The following CROCC variants were observed in gnomAD, a reference collection of about 807,000 sequenced individuals.
CROCC encodes rootletin.
A neutral mutation model predicts 245.2 loss-of-function variants in CROCC; 180 were observed. That is an observed-to-expected ratio of 0.73 (90% CI 0.65 to 0.83). The LOEUF (loss-of-function observed/expected upper bound fraction) is 0.83, where lower values mean the gene tolerates loss of function less well. Among genes scored for constraint, CROCC ranks in the 40% least tolerant of loss-of-function variants. The pLI, the probability that CROCC is intolerant of heterozygous loss-of-function variation, is 0.00. For synonymous variants in CROCC, 1,205 were observed against 1,241.6 expected, an observed-to-expected ratio of 0.97 and a Z score of 0.62; for missense variants, 2,688 against 2,779.4, an observed-to-expected ratio of 0.97 and a Z score of 0.74.
intron 8 of CROCC, among the ~76,000 whole-genome samples, chr1:16,934,786 CTTTTTCTTTTTATATATACAGAT>C (rs2075751189): frequency 6.6e-6 from 1 of 151,444 alleles, no homozygotes; most frequent in South Asian, 2.1e-4. Flanking sequence ...TTATCAGCTT[CTTTTTCTTTTTATATATACAGAT>C]TTTTTCTTTT....
intron 3 of CROCC, among the ~76,000 whole-genome samples, chr1:16,927,373 G>T (rs576729491): frequency 2.1e-4 from 32 of 152,224 alleles, no homozygotes; most frequent in Non-Finnish European, 2.2e-4. Context: ...CCACCAATCG[G>T]CCCACAAAGG....
chr1:16,916,254 T>C (rs1210766377), intron 1 of CROCC, among the ~76,000 whole-genome samples: 1 of 152,016 alleles, frequency 6.6e-6, no homozygotes, highest in Non-Finnish European at 1.5e-5. Flanking sequence ...CCAGATCTGG[T>C]GGGCCCTGTG....
chr1:16,927,535 T>C (rs1353337603), intron 3 of CROCC, among the ~76,000 whole-genome samples: 6 of 152,214 alleles, frequency 3.9e-5, no homozygotes, highest in Non-Finnish European at 8.8e-5. Context: ...CGCCACAACA[T>C]AGACCTTCAG....
At chr1:16,940,676 C>T (rs1319099516) in intron 13 of CROCC, 24 of 234,918 alleles carry the variant, frequency 1.0e-4, no homozygotes, top group Admixed American at 3.4e-4. Context: ...GCATGAGCCA[C>T]CGCGCCCGGC....
Position 16,931,341 on chromosome 1 carries a change from G to C in CROCC, c.900G>C (p.Trp300Cys). The change falls in exon 8 of 37, where the codon TGG (tryptophan) becomes TGC (cysteine). Residue 300 changes from tryptophan to cysteine, a missense_variant. Trp to Cys is a radical substitution (Grantham distance 215). Around this residue, in one of 9 missense-constraint regions of CROCC, gnomAD observed 972 missense variants for 895.3 expected, o/e 1.09. Coordinates refer to ENST00000375541, the MANE Select transcript of CROCC (RefSeq NM_014675.5). Reference sequence around the variant, plus strand: ...AGCACAGTCGCCTGCTCCTCCTCTGGAGGCAGGTGGTGGGGTTCCGGCGGC... The same window carrying C: ...AGCACAGTCGCCTGCTCCTCCTCTGCAGGCAGGTGGTGGGGTTCCGGCGGC... The part of the protein sequence containing the change: ...SNEHSRLLLL[W>C]RQVVGFRRLV... 6.2e-7 allele frequency: 1 copy of C among 1,612,924 alleles called. No homozygotes were observed. The highest frequency in any genetic ancestry group is 8.5e-7 in the Non-Finnish European group (1 of 1,179,176).
chr1:16,928,625 A>C (rs1250444975), intron 3 of CROCC, among the ~76,000 whole-genome samples: 2 of 151,970 alleles, frequency 1.3e-5, no homozygotes, highest in African/African-American at 4.8e-5. Context: ...AACATAGTGA[A>C]ACCCCATCTC....
At chr1:16,923,652 G>T (rs2075460575) in intron 2 of CROCC, among the ~76,000 whole-genome samples, 1 of 150,972 alleles carries the variant, frequency 6.6e-6, no homozygotes, top group Non-Finnish European at 1.5e-5. Flanking sequence ...TTTCTGGGAG[G>T]ATCTGGTTAC....
At position 16,954,631 on chromosome 1, in the gene CROCC, G is replaced by A; in HGVS notation, c.3322-103G>A. 2 of 1,416,432 alleles carry A rather than the reference G, an allele frequency of 1.4e-6. No homozygotes were observed. The highest frequency in any genetic ancestry group is 2.5e-5 in the East Asian group (1 of 39,726). The allele number at this position is 1,416,432 out of a possible 1,614,324, so 87.7% of individuals were successfully genotyped here. On this transcript the variant is annotated intron_variant, in intron 22 of 36. Coordinates refer to ENST00000375541, the MANE Select transcript of CROCC (RefSeq NM_014675.5). The surrounding 1 kb of genome is among the most constrained non-coding windows in gnomAD (Gnocchi z 4.4). The stretch of plus-strand genomic sequence containing the variant: ...AGGGTCCGGCAGGCCAGCGGGAGGG[G>A]CCGTGTTTAGAGCTAAAAGTGGACA...
intron 16 of CROCC, 112 bp downstream of exon 16, chr1:16,946,517 C>T (rs1345207061): frequency 3.5e-6 from 5 of 1,430,190 alleles, no homozygotes; most frequent in Non-Finnish European, 4.8e-6. Context: ...CCTTTCTGTC[C>T]CTGGTTCTCT....
chr1:16,963,977 A>T (rs1390253094), intron 27 of CROCC, among the ~76,000 whole-genome samples: 1 of 151,300 alleles, frequency 6.6e-6, no homozygotes, highest in East Asian at 2.0e-4. Context: ...TTGTATTTTT[A>T]GTAGAGATGG....
chr1:16,961,521 CT>C (rs2076334417), intron 27 of CROCC, among the ~76,000 whole-genome samples: 1 of 151,694 alleles, frequency 6.6e-6, no homozygotes, highest in South Asian at 2.1e-4. Flanking sequence ...ATCCTCCTGT[CT>C]CAGCCTCTCA....
intron 1 of CROCC, among the ~76,000 whole-genome samples, chr1:16,914,193 G>A (rs1323967010): frequency 6.6e-6 from 1 of 151,762 alleles, no homozygotes; most frequent in Admixed American, 6.6e-5. Flanking sequence ...GCTCCCGGCG[G>A]AGGAGGCCGC....
intron 8 of CROCC, 114 bp downstream of exon 8, chr1:16,931,511 G>A (rs568501055): frequency 3.8e-5 from 39 of 1,021,310 alleles, no homozygotes; most frequent in Middle Eastern, 2.0e-4. Context: ...CACAAGGGCC[G>A]GTGAGGACAC....
At position 16,948,867 on chromosome 1, in the gene CROCC, G is replaced by A. The variant is rs376340335; in HGVS notation, c.2777G>A (p.Arg926His). The A allele has an allele frequency of 9.0e-5, 145 of 1,611,120 alleles. No individual in the cohort carries two copies. The highest frequency in any genetic ancestry group is 1.2e-4 in the Non-Finnish European group (136 of 1,179,840). The change falls in exon 19 of 37, where the codon CGC (arginine) becomes CAC (histidine). Residue 926 changes from arginine (R) to histidine (H), a missense_variant. Physicochemically the swap from Arg to His is conservative, Grantham distance 29 (BLOSUM62 0). Coordinates refer to ENST00000375541, the MANE Select transcript of CROCC (RefSeq NM_014675.5). ...VQRQLAQLEARREQLEAEGQA... is the reference protein window; with the variant it reads ...VQRQLAQLEAHREQLEAEGQA... ...CGGCAGCTGGCCCAGCTTGAGGCCC[G>A]CCGGGAGCAGCTGGAAGCCGAGGGG...
intron 13 of CROCC, 66 bp from the exon 14 acceptor site, chr1:16,944,034 C>G (rs1387317315): frequency 7.0e-7 from 1 of 1,423,130 alleles, no homozygotes; most frequent in African/African-American, 1.4e-5. Flanking sequence ...AGAGGAGCAG[C>G]CAGCCACCTT....
chr1:16,972,650 C>G lies in CROCC; in HGVS notation c.*204C>G, dbSNP rs116688450. 10 of 505,312 alleles carry G rather than the reference C, an allele frequency of 2.0e-5. No individual in the cohort carries two copies. The highest frequency in any genetic ancestry group is 8.3e-5 in the South Asian group (3 of 36,170). The allele number at this position is 505,312 out of a possible 1,614,324, so 31.3% of individuals were successfully genotyped here. A position where few individuals can be genotyped will look rare whatever the true frequency, so the allele number is the denominator to read the frequency against. ...CCAGCAACACCTGCAGTCCAGCCCC[C>G]CTCTTCTAGGATGAGCCACTGTAGA... is the stretch of plus-strand genomic sequence containing the variant. On this transcript the variant is annotated 3_prime_UTR_variant, in exon 37 of 37. Transcript: ENST00000375541.
chr1:16,970,767 G>A lies in CROCC; in HGVS notation c.5784G>A (p.Glu1928=), dbSNP rs775691263. Residue 1928 remains glutamate, a splice_region_variant and synonymous_variant, in exon 35 of 37, where the codon GAG becomes GAA. Transcript: ENST00000375541. ...CGCAGAGGCAGATCCAGCAGCTGGAGGTCTGACCCCACCCAGTCCGGGACC... is the reference window on the plus strand; with the variant it reads ...CGCAGAGGCAGATCCAGCAGCTGGAAGTCTGACCCCACCCAGTCCGGGACC... The part of the protein sequence containing the change: ...AEAQRQIQQL[E]AQVVVLEQSH... 2 of 1,580,042 alleles carry A rather than the reference G, an allele frequency of 1.3e-6. No homozygotes were observed. Among genetic ancestry groups the A allele is most frequent in the South Asian group, 2.3e-5 (2 of 85,464 alleles).
At chr1:16,947,875 GT>G (rs1287829238) in intron 17 of CROCC, among the ~76,000 whole-genome samples, 3 of 152,126 alleles carry the variant, frequency 2.0e-5, no homozygotes, top group Admixed American at 6.5e-5. Flanking sequence ...GTCTTGCTCT[GT>G]TGCCCAGGCT....
intron 35 of CROCC, chr1:16,971,038 A>G (rs902221449): frequency 4.4e-6 from 2 of 454,584 alleles, no homozygotes; most frequent in Admixed American, 3.8e-5. Context: ...ATTCTTGTGT[A>G]TGGAGCATGA....
Sources: allele counts gnomAD v4.1 joint callset (sites outside exome capture counted in the v4.1 genomes callset), GRCh38; gene constraint gnomAD v4.1.1; regional missense constraint gnomAD v4.1.1; non-coding constraint Gnocchi (gnomAD v3.1); transcripts MANE v1.5; gene names NCBI Gene and HGNC (gene_info 2026-07-23, HGNC 2026-07-21).